Variants in PTPRN2 observed in about 807,000 individuals in gnomAD.
PTPRN2 encodes the protein protein tyrosine phosphatase receptor type N2.
In PTPRN2, 74 loss-of-function variants were observed where a neutral mutation model predicts 118.8. That is an observed-to-expected ratio of 0.62 (90% confidence interval 0.52 to 0.76). The LOEUF is 0.76. Among genes scored for constraint, PTPRN2 ranks in the 30% least tolerant of loss-of-function variants. The probability of loss-of-function intolerance (pLI) is 0.00; values close to 1 mark genes in which losing one functional copy is unlikely to be tolerated. For missense variants in PTPRN2, 1,481 were observed against 1,394.4 expected (o/e 1.06, Z -0.99); for synonymous variants, 641 against 608.0 (o/e 1.05, Z -0.80).
At chr7:158,169,524 G>A (rs1052972036) in intron 5 of PTPRN2, among the ~76,000 whole-genome samples, 12 of 151,172 alleles carry the variant, frequency 7.9e-5, no homozygotes, top group South Asian at 2.1e-4. Flanking sequence ...CAAGTGATCC[G>A]CCTGCCTCAG....
At chr7:157,762,758 G>A (rs11973503) in intron 12 of PTPRN2, among the ~76,000 whole-genome samples, 1,821 of 149,954 alleles carry the variant, frequency 0.012, 37 homozygotes, top group African/African-American at 0.041. Context: ...AAAAAAAAAA[G>A]AGAAAAAAGA....
intron 13 of PTPRN2, among the ~76,000 whole-genome samples, chr7:157,665,414 T>C (rs1297064844): frequency 6.6e-6 from 1 of 152,198 alleles, no homozygotes; most frequent in African/African-American, 2.4e-5. Context: ...CACATAACTC[T>C]TTTGATTGTA....
chr7:157,731,485 C>T (rs1266500470), intron 12 of PTPRN2, among the ~76,000 whole-genome samples: 1 of 151,798 alleles, frequency 6.6e-6, no homozygotes, highest in African/African-American at 2.4e-5. Flanking sequence ...CACAGTTACC[C>T]TTTCCCGTCC....
chr7:157,602,862 C>G (rs976760322), intron 16 of PTPRN2, among the ~76,000 whole-genome samples: 1 of 152,222 alleles, frequency 6.6e-6, no homozygotes, highest in African/African-American at 2.4e-5. Context: ...TTTGGGACAC[C>G]GTAGGGTGCG....
chr7:158,265,399 T>C (rs114504747), intron 3 of PTPRN2, among the ~76,000 whole-genome samples: 1,731 of 151,524 alleles, frequency 0.011, 38 homozygotes, highest in African/African-American at 0.04. Flanking sequence ...GGCACCCACC[T>C]GCGGGCACAC....
At chr7:158,539,862 C>T (rs189680348) in intron 1 of PTPRN2, 166 of 221,408 alleles carry the variant, frequency 7.5e-4, no homozygotes, top group Admixed American at 2.9e-3. Flanking sequence ...GAGCTGGTGA[C>T]GGCTGGAACC....
chr7:157,579,888 T>C (rs1585057343), intron 17 of PTPRN2, among the ~76,000 whole-genome samples: 1 of 152,244 alleles, frequency 6.6e-6, no homozygotes, highest in African/African-American at 2.4e-5. Flanking sequence ...TTACATTATC[T>C]TGTGTTCCTT....
intron 6 of PTPRN2, among the ~76,000 whole-genome samples, chr7:158,146,192 C>T (rs1039518778): frequency 2.6e-5 from 4 of 152,164 alleles, no homozygotes; most frequent in Non-Finnish European, 4.4e-5. Context: ...CTCAGTCACA[C>T]AAGCTGACAG....
chr7:158,558,394 C>A (rs528729366), intron 1 of PTPRN2, among the ~76,000 whole-genome samples: 1 of 152,234 alleles, frequency 6.6e-6, no homozygotes, highest in Non-Finnish European at 1.5e-5. Context: ...GCCATGTTCT[C>A]TTCTTTAGAT....
intron 2 of PTPRN2, among the ~76,000 whole-genome samples, chr7:158,408,790 A>G (rs1379032620): frequency 6.6e-6 from 1 of 152,188 alleles, no homozygotes; most frequent in African/African-American, 2.4e-5. Flanking sequence ...ATTTTGATCA[A>G]CGTCACATAT....
chr7:158,315,003 C>G (rs879658740), intron 3 of PTPRN2, among the ~76,000 whole-genome samples: 4 of 127,422 alleles, frequency 3.1e-5, no homozygotes, highest in African/African-American at 9.0e-5. Flanking sequence ...AACCCGGGAC[C>G]CCCTGAAGGA....
Position 158,476,004 on chromosome 7 carries a change from C to T in PTPRN2, c.163+13731G>A, listed in dbSNP as rs537323671. On this transcript the variant is annotated intron_variant, in intron 2 of 22. Coordinates refer to ENST00000389418, the MANE Select transcript of PTPRN2 (RefSeq NM_002847.5). ...TACTTACTACGATTTGTGTTCCTCC[C>T]GCCATTTGTTTGTTGGTTTGTTTTT... is the stretch of plus-strand genomic sequence containing the variant. Among the ~76,000 whole-genome samples the T allele has an allele frequency of 2.6e-5, 4 of 152,248 alleles. No individual in the cohort carries two copies. In the East Asian group the frequency reaches 5.8e-4, roughly 22 times the overall value.
rs1346929841 is a variant in PTPRN2 at position 157,632,596 on chromosome 7, G to A, written c.2197-11087C>T. On this transcript the variant is annotated intron_variant, in intron 14 of 22. Coordinates refer to ENST00000389418, the MANE Select transcript of PTPRN2 (RefSeq NM_002847.5). This position sits in a 1 kb window ranked among gnomAD's most constrained non-coding sequence, Gnocchi z 4.3. ...CAAGATATCATATTAGGGAGTGTGC[G>A]TAGGAGGGGGTGACAGGGGTCACCT... 3.9e-5 allele frequency among the ~76,000 whole-genome samples: 6 copies of A among 152,190 alleles called. No individual in the cohort carries two copies. The highest frequency in any genetic ancestry group is 7.3e-5 in the Non-Finnish European group (5 of 68,044).
chr7:158,325,982 G>A (rs757366622), intron 2 of PTPRN2, among the ~76,000 whole-genome samples: 20 of 152,166 alleles, frequency 1.3e-4, no homozygotes, highest in Non-Finnish European at 2.2e-4. Flanking sequence ...AGGGGAACGC[G>A]GCCTCCTGGG....
chr7:158,564,904 G>A lies in PTPRN2; in HGVS notation c.112+22654C>T, dbSNP rs1269256642. Among the ~76,000 whole-genome samples the A allele has an allele frequency of 6.6e-5, 10 of 152,208 alleles. No individual in the cohort carries two copies. The South Asian group carries it at 2.1e-3, about 32-fold the overall frequency. Reference sequence around the variant, plus strand: ...AGAGAAATGTGTGCAAATCTAAGGAGAAATGTGCAAGGCTCGTGCCTTCCC... The same window carrying A: ...AGAGAAATGTGTGCAAATCTAAGGAAAAATGTGCAAGGCTCGTGCCTTCCC... On this transcript the variant is annotated intron_variant, in intron 1 of 22. Transcript: ENST00000389418.
rs1585183749 is a variant in PTPRN2, at chr7:157,656,341, C to T, written c.2196+16G>A. 6.5e-7 allele frequency: 1 copy of T among 1,539,846 alleles called. No individual in the cohort carries two copies. Among genetic ancestry groups the T allele is most frequent in the Non-Finnish European group, 8.8e-7 (1 of 1,138,012 alleles). On this transcript the variant is annotated intron_variant, in intron 14 of 22. Coordinates refer to ENST00000389418, the MANE Select transcript of PTPRN2 (RefSeq NM_002847.5). The stretch of plus-strand genomic sequence containing the variant: ...CCTGGTGTTTGTGTGGCAGGGAGTG[C>T]AAAGACTGGGCTTACCAGGATCATG...
chr7:157,875,632 G>A (rs1795713084), intron 12 of PTPRN2, among the ~76,000 whole-genome samples: 1 of 152,236 alleles, frequency 6.6e-6, no homozygotes, highest in African/African-American at 2.4e-5. Context: ...CATGGCCTGT[G>A]CAGGAGGCGA....
intron 2 of PTPRN2, among the ~76,000 whole-genome samples, chr7:158,372,895 G>A (rs1207263851): frequency 6.6e-6 from 1 of 152,218 alleles, no homozygotes; most frequent in African/African-American, 2.4e-5. Flanking sequence ...GGTCCAAGCA[G>A]CCACATAGGG....
At chr7:158,321,227 G>T (rs1167851428) in intron 2 of PTPRN2, among the ~76,000 whole-genome samples, 1 of 152,072 alleles carries the variant, frequency 6.6e-6, no homozygotes. Context: ...ACAATCCCGG[G>T]AAGTGGCACA....
Sources: gnomAD v4.1 joint callset for allele counts (sites outside exome capture counted in the v4.1 genomes callset) on GRCh38, gnomAD v4.1.1 for gene constraint, Gnocchi (gnomAD v3.1) non-coding constraint, MANE v1.5 for transcripts, NCBI Gene and HGNC (gene_info 2026-07-23, HGNC 2026-07-21) for gene names.